LCORL: variants seen among roughly 807,000 people sequenced by gnomAD.
LCORL encodes ligand-dependent nuclear receptor corepressor-like protein.
In LCORL, 41 loss-of-function variants were observed where a neutral mutation model predicts 141.8. The observed-to-expected ratio is 0.29, with a 90% CI of 0.23 to 0.38. The LOEUF (loss-of-function observed/expected upper bound fraction) is 0.38. LCORL is among the 10% of genes least tolerant of loss of function. The probability of loss-of-function intolerance (pLI) is 1.00; values close to 1 mark genes in which losing one functional copy is unlikely to be tolerated. For synonymous variants in LCORL, 618 were observed against 694.1 expected, an observed-to-expected ratio of 0.89 and a Z score of 1.72; for missense variants, 1,759 against 2,035.0, an observed-to-expected ratio of 0.86 and a Z score of 2.61.
exon 7 of LCORL, chr4:17,876,463 T>C (rs1159830946): frequency 2.4e-6 from 3 of 1,230,906 alleles, no homozygotes; most frequent in African/African-American, 1.6e-5. Flanking sequence ...ATACTTATTG[T>C]ATCTTCCAAA....
chr4:17,848,064 CAT>C (rs1379209175), intron 7 of LCORL, among the ~76,000 whole-genome samples: 1 of 152,120 alleles, frequency 6.6e-6, no homozygotes, highest in Non-Finnish European at 1.5e-5. Flanking sequence ...TTTTCAAAAA[CAT>C]ACGGCGGTTT....
chr4:17,946,331 C>T (rs1738872604), intron 4 of LCORL, among the ~76,000 whole-genome samples: 1 of 151,902 alleles, frequency 6.6e-6, no homozygotes, highest in Non-Finnish European at 1.5e-5. Flanking sequence ...TGTTAGACTG[C>T]TTTAGCCATG....
intron 1 of LCORL, among the ~76,000 whole-genome samples, chr4:18,001,939 C>G (rs1311279280): frequency 6.6e-6 from 1 of 152,144 alleles, no homozygotes; most frequent in African/African-American, 2.4e-5. Flanking sequence ...ATACACACAT[C>G]TATATATCTA....
intron 1 of LCORL, among the ~76,000 whole-genome samples, chr4:17,997,914 T>G (rs1043719496): frequency 2.6e-5 from 4 of 152,162 alleles, no homozygotes; most frequent in Non-Finnish European, 1.5e-5. Context: ...TATTCAAGTA[T>G]AAATTAAGGG....
At chr4:17,953,124 A>G (rs918069261) in intron 4 of LCORL, among the ~76,000 whole-genome samples, 1 of 151,850 alleles carries the variant, frequency 6.6e-6, no homozygotes, top group African/African-American at 2.4e-5. Context: ...TATGCACCAC[A>G]TTTTCTTTAT....
At chr4:17,989,170 T>C (rs1022382670) in intron 1 of LCORL, among the ~76,000 whole-genome samples, 1 of 152,208 alleles carries the variant, frequency 6.6e-6, no homozygotes, top group Non-Finnish European at 1.5e-5. Flanking sequence ...TCCAAATCGT[T>C]TTCCTTTATT....
chr4:18,000,306 AT>A (rs1266539243), intron 1 of LCORL, among the ~76,000 whole-genome samples: 1 of 152,226 alleles, frequency 6.6e-6, no homozygotes, highest in East Asian at 1.9e-4. Flanking sequence ...CAATTAAAAA[AT>A]AGCATAAATG....
intron 1 of LCORL, among the ~76,000 whole-genome samples, chr4:17,992,036 C>T (rs1367694156): frequency 6.6e-6 from 1 of 152,124 alleles, no homozygotes; most frequent in African/African-American, 2.4e-5. Flanking sequence ...CTTCAGAGTA[C>T]GTACCATAAC....
chr4:17,888,235 G>A (rs1307339760), intron 5 of LCORL, among the ~76,000 whole-genome samples: 1 of 152,118 alleles, frequency 6.6e-6, no homozygotes, highest in Admixed American at 6.6e-5. Flanking sequence ...AGTGTGGCTA[G>A]AGGTTAGAGT....
intron 4 of LCORL, among the ~76,000 whole-genome samples, chr4:17,927,707 A>G (rs765918207): frequency 6.6e-6 from 1 of 152,210 alleles, no homozygotes; most frequent in Non-Finnish European, 1.5e-5. Flanking sequence ...GTCAGAACAC[A>G]CACATTTCAT....
chr4:18,015,235 A>G (rs557183038), intron 1 of LCORL, among the ~76,000 whole-genome samples: 27 of 152,346 alleles, frequency 1.8e-4, no homozygotes, highest in African/African-American at 6.3e-4. Context: ...CGCACAGCCA[A>G]TCAGGAAGCA....
At chr4:17,998,826 A>C (rs751198574) in intron 1 of LCORL, among the ~76,000 whole-genome samples, 1 of 151,230 alleles carries the variant, frequency 6.6e-6, no homozygotes, top group East Asian at 1.9e-4. Context: ...TTAGCCAGGC[A>C]TGGTTGTGCA....
intron 5 of LCORL, among the ~76,000 whole-genome samples, chr4:17,897,891 G>T (rs1184935091): frequency 6.6e-6 from 1 of 152,154 alleles, no homozygotes; most frequent in Non-Finnish European, 1.5e-5. Context: ...ATAATGTTTA[G>T]AGACCACACT....
chr4:17,869,403 T>C (rs1726072216), intron 7 of LCORL, among the ~76,000 whole-genome samples: 1 of 152,244 alleles, frequency 6.6e-6, no homozygotes, highest in Admixed American at 6.5e-5. Flanking sequence ...AGCTACTCTT[T>C]CCCAACAACT....
rs1185706431 is a variant in LCORL at position 17,873,794 on chromosome 4, C to G, written c.5196G>C (p.Arg1732Ser). 5.2e-5 allele frequency: 64 copies of G among 1,233,916 alleles called. No homozygotes were observed. The South Asian group carries it at 1.1e-3, about 21-fold the overall frequency. The allele number at this position is 1,233,916 out of a possible 1,614,324, so 76.4% of individuals were successfully genotyped here. A position where few individuals can be genotyped will look rare whatever the true frequency, so the allele number is the denominator to read the frequency against. The change falls in exon 7 of 8, where the codon AGG becomes AGC. Residue 1732 changes from arginine to serine, a missense_variant. Arg to Ser is a moderately radical substitution (Grantham distance 110, BLOSUM62 -1). Around this residue, in one of 5 missense-constraint regions of LCORL, gnomAD observed 313 missense variants for 336.1 expected, o/e 0.93. Coordinates refer to ENST00000635767, the Ensembl canonical transcript of LCORL. ...TTCTGTGTTCAAGACAGTTGAGCTT[C>G]CTCAAAAATATTCTACAGTCTTTTA... is the stretch of plus-strand genomic sequence containing the variant.
chr4:17,983,783 G>A (rs567175826), intron 1 of LCORL, among the ~76,000 whole-genome samples: 3 of 152,100 alleles, frequency 2.0e-5, no homozygotes, highest in African/African-American at 4.8e-5. Flanking sequence ...TGACTACTCC[G>A]GCCAGCATTT....
chr4:17,963,375 T>C (rs1043567293), intron 2 of LCORL, among the ~76,000 whole-genome samples: 1 of 151,834 alleles, frequency 6.6e-6, no homozygotes, highest in Admixed American at 6.6e-5. Flanking sequence ...ATTTTTGCTA[T>C]GAAAGGAATC....
At chr4:17,952,107 TTAAATA>T (rs1319901961) in intron 4 of LCORL, among the ~76,000 whole-genome samples, 7 of 152,212 alleles carry the variant, frequency 4.6e-5, no homozygotes, top group African/African-American at 7.2e-5. Context: ...CATAAAGTAC[TTAAATA>T]TAAAGTATTT....
At chr4:17,963,100 A>G (rs749014604) in intron 2 of LCORL, 51 bp from the exon 3 acceptor site, 1 of 1,029,192 alleles carries the variant, frequency 9.7e-7, no homozygotes, top group South Asian at 1.6e-5. Flanking sequence ...ATTAAAACAA[A>G]TAAAATTACC....
Sources: allele counts gnomAD v4.1 joint callset (sites outside exome capture counted in the v4.1 genomes callset), GRCh38; gene constraint gnomAD v4.1.1; regional missense constraint gnomAD v4.1.1; transcripts MANE v1.5; gene names NCBI Gene and HGNC (gene_info 2026-07-23, HGNC 2026-07-21).